Variants in TYMS observed in about 807,000 individuals in gnomAD.
The protein encoded by TYMS is thymidylate synthetase, also known as thymidylate synthase.
A neutral mutation model predicts 39.3 loss-of-function variants in TYMS; 21 were observed. That is an observed-to-expected ratio of 0.54 (90% confidence interval 0.38 to 0.77). The LOEUF is 0.77. Among genes scored for constraint, TYMS ranks in the 30% least tolerant of loss-of-function variants. The pLI is 0.00. For missense variants in TYMS, 273 were observed against 406.7 expected, an observed-to-expected ratio of 0.67 and a Z score of 2.83; for synonymous variants, 171 against 162.2, an observed-to-expected ratio of 1.05 and a Z score of -0.41.
chr18:672,237 A>C (rs1363845387), intron 6 of TYMS: 1 of 152,246 alleles, frequency 6.6e-6, no homozygotes, highest in African/African-American at 2.4e-5. Context: ...AAAAACTCAG[A>C]ACCAGACACT....
At chr18:671,216 T>C (rs904041316) in intron 5 of TYMS, 164 bp from the exon 6 acceptor site, 10 of 640,926 alleles carry the variant, frequency 1.6e-5, no homozygotes, top group Non-Finnish European at 2.5e-5. Context: ...AATACCAGCC[T>C]GGGCAACATA....
chr18:661,430 CCT>C (rs2074754432), intron 2 of TYMS, among the ~76,000 whole-genome samples: 2 of 152,224 alleles, frequency 1.3e-5, no homozygotes, highest in Admixed American at 6.5e-5. Context: ...TTAGGAATAT[CCT>C]GTATGCCAGG....
rs555895769 is a variant in TYMS at position 668,259 on chromosome 18, G to A, written c.455-813G>A. On this transcript the variant is annotated intron_variant, in intron 3 of 6. Coordinates refer to ENST00000323274, the MANE Select transcript of TYMS (RefSeq NM_001071.4). ...TAAAATCTTTGATGTTACCTTTTTC[G>A]GAACAGTGACCATGAGAGGACTTTC... 1.3e-4 allele frequency among the ~76,000 whole-genome samples: 19 copies of A among 151,796 alleles called. No homozygotes were observed. In the South Asian group the frequency reaches 3.3e-3, roughly 27 times the overall value.
At chr18:669,758 C>T in intron 4 of TYMS, among the ~76,000 whole-genome samples, 1 of 148,672 alleles carries the variant, frequency 6.7e-6, no homozygotes, top group South Asian at 2.1e-4. Context: ...AGCTCGCTGC[C>T]ACCTCACTAA....
At chr18:657,977 G>A (rs1324683240) in intron 1 of TYMS, 30 bp downstream of exon 1, 1 of 1,509,426 alleles carries the variant, frequency 6.6e-7, no homozygotes, top group Non-Finnish European at 8.8e-7. Flanking sequence ...CGGGACGGGT[G>A]GCGGGAAGGA....
Position 673,077 on chromosome 18 carries a change from C to A in TYMS, c.*80C>A. The A allele has an allele frequency of 7.1e-7, 1 of 1,409,306 alleles. No homozygotes were observed. The highest frequency in any genetic ancestry group is 1.9e-5 in the South Asian group (1 of 53,570). The allele number at this position is 1,409,306 out of a possible 1,614,324, so 87.3% of individuals were successfully genotyped here. On this transcript the variant is annotated 3_prime_UTR_variant, in exon 7 of 7. Coordinates refer to ENST00000323274, the MANE Select transcript of TYMS (RefSeq NM_001071.4). ...TGCCGAGGTAAAAGTTCTTTTTGCT[C>A]TAAAAGAAAAAGGAACTAGGTCAAA...
At chr18:664,694 C>G (rs1194578573) in intron 3 of TYMS, among the ~76,000 whole-genome samples, 8 of 150,800 alleles carry the variant, frequency 5.3e-5, no homozygotes, top group African/African-American at 2.0e-4. Flanking sequence ...TATGTCCCAT[C>G]AATACCTAAT....
At position 658,184 on chromosome 18, in the gene TYMS, AGCGGCTCC is replaced by A. The variant is rs1470942904; in HGVS notation, c.205+243_205+250del. The A allele has an allele frequency of 3.2e-6, 5 of 1,554,268 alleles. No individual in the cohort carries two copies. The highest frequency in any genetic ancestry group is 1.4e-5 in the African/African-American group (1 of 73,278). On this transcript the variant is annotated intron_variant, in intron 1 of 6. Transcript: ENST00000323274. The surrounding 1 kb of genome is among the most constrained non-coding windows in gnomAD (Gnocchi z 4.5). The stretch of plus-strand genomic sequence containing the variant: ...ACAGCCGGGAGGTAAGCCGCGTCCC[AGCGGCTCC>A]GCGGCCGGGCTCGCAGTCGCCCCAG...
At position 667,388 on chromosome 18, in the gene TYMS, TGATGGA is replaced by T. The variant is rs1372827062; in HGVS notation, c.455-1678_455-1673del. Among the ~76,000 whole-genome samples, 7 of 15,496 alleles carry T rather than the reference TGATGGA, an allele frequency of 4.5e-4. 1 individual carries two copies. The highest frequency in any genetic ancestry group is 6.1e-4 in the Non-Finnish European group (5 of 8,248). 10.2% of individuals were successfully genotyped at this position (15,496 alleles called of 152,430 possible). Reference sequence around the variant, plus strand: ...GAGATGGTGATGGTGATGGTGATGGTGATGGAGATGGTGATGGTGATGGTGATGGTG... The same window carrying T: ...GAGATGGTGATGGTGATGGTGATGGTGATGGTGATGGTGATGGTGATGGTG... On this transcript the variant is annotated intron_variant, in intron 3 of 6. Coordinates refer to ENST00000323274, the MANE Select transcript of TYMS (RefSeq NM_001071.4).
intron 3 of TYMS, among the ~76,000 whole-genome samples, chr18:667,095 A>T (rs374286899): frequency 1.2e-3 from 34 of 29,430 alleles, no homozygotes; most frequent in East Asian, 3.6e-3. Context: ...ATGGTGATGG[A>T]GATGGAGATG....
At chr18:671,026 CTT>C in intron 5 of TYMS, 159 bp downstream of exon 5, 1 of 879,652 alleles carries the variant, frequency 1.1e-6, no homozygotes, top group Non-Finnish European at 1.7e-6. Flanking sequence ...AAACCTTCCT[CTT>C]CTGGAAGGTT....
At chr18:672,599 T>C (rs73943350) in intron 6 of TYMS, 168 of 300,032 alleles carry the variant, frequency 5.6e-4, no homozygotes, top group African/African-American at 3.4e-3. Context: ...AGAGTGGTTA[T>C]AAGAACTTAC....
At chr18:666,502 C>T (rs1324945406) in intron 3 of TYMS, among the ~76,000 whole-genome samples, 1 of 152,138 alleles carries the variant, frequency 6.6e-6, no homozygotes, top group East Asian at 1.9e-4. Context: ...GCCCCTCCCA[C>T]CTGTCCCTAG....
rs1041078250 is a variant in TYMS, at chr18:658,370, A to C, written c.205+423A>C. The C allele has an allele frequency of 7.8e-7, 1 of 1,282,318 alleles. No individual in the cohort carries two copies. The highest frequency in any genetic ancestry group is 1.6e-5 in the African/African-American group (1 of 64,394). The allele number at this position is 1,282,318 out of a possible 1,614,324, so 79.4% of individuals were successfully genotyped here. ...TCCCCTGTGGACCATTCCGCTTCGC[A>C]GCGTTTTCAAAAACTGGAGCGAAAG... On this transcript the variant is annotated intron_variant, in intron 1 of 6. Transcript: ENST00000323274. The surrounding 1 kb of genome is among the most constrained non-coding windows in gnomAD (Gnocchi z 4.5).
At chr18:659,577 G>C in intron 1 of TYMS, 64 bp from the exon 2 acceptor site, 3 of 1,476,350 alleles carry the variant, frequency 2.0e-6, no homozygotes, top group Non-Finnish European at 2.8e-6. Flanking sequence ...TTTCTTCCCT[G>C]AAGAAAGTTG....
intron 3 of TYMS, among the ~76,000 whole-genome samples, chr18:664,872 A>T (rs1157309238): frequency 9.7e-5 from 12 of 123,472 alleles, no homozygotes; most frequent in South Asian, 2.9e-4. Context: ...TGAAGCCCAC[A>T]TGATCATGGT....
At chr18:667,611 G>GGT (rs1469266016) in intron 3 of TYMS, 1 of 105,252 alleles carries the variant, frequency 9.5e-6, no homozygotes, top group Non-Finnish European at 1.9e-5. Context: ...TGATGGTGAT[G>GGT]GAGATGGGTG....
At position 670,826 on chromosome 18, in the gene TYMS, G is replaced by A. The variant is rs1304708715; in HGVS notation, c.691G>A (p.Ala231Thr). The change falls in exon 5 of 7, where the codon GCC becomes ACC. Residue 231 changes from alanine to threonine, a missense_variant. This residue lies in a region of TYMS where 228 missense variants were observed against 326.1 expected (regional missense o/e 0.70). Transcript: ENST00000323274. The part of the protein sequence containing the change: ...LGVPFNIASY[A>T]LLTYMIAHIT... ...TGTGCCTTTCAACATCGCCAGCTACGCCCTGCTCACGTACATGATTGCGCA... is the reference window on the plus strand; with the variant it reads ...TGTGCCTTTCAACATCGCCAGCTACACCCTGCTCACGTACATGATTGCGCA... 5 of 1,614,030 alleles carry A rather than the reference G, an allele frequency of 3.1e-6. No homozygotes were observed. The highest frequency in any genetic ancestry group is 3.4e-6 in the Non-Finnish European group (4 of 1,180,010).
Position 657,962 on chromosome 18 carries a change from C to T in TYMS, c.205+15C>T. 2 of 1,506,254 alleles carry T rather than the reference C, an allele frequency of 1.3e-6. No homozygotes were observed. The highest frequency in any genetic ancestry group is 1.8e-6 in the Non-Finnish European group (2 of 1,131,874). 93.3% of individuals were successfully genotyped at this position (1,506,254 alleles called of 1,614,324 possible). ...CAGCCTGAGAGGTGACGCCGCGGGC[C>T]CCTGCGGGACGGGTGGCGGGAAGGA... On this transcript the variant is annotated intron_variant, in intron 1 of 6. Transcript: ENST00000323274.
Sources: gnomAD v4.1 joint callset for allele counts (sites outside exome capture counted in the v4.1 genomes callset) on GRCh38, gnomAD v4.1.1 for gene constraint, gnomAD v4.1.1 regional missense constraint, Gnocchi (gnomAD v3.1) non-coding constraint, MANE v1.5 for transcripts, NCBI Gene and HGNC (gene_info 2026-07-23, HGNC 2026-07-21) for gene names.